Variants in MEMO1 observed in about 807,000 individuals in gnomAD.
The protein encoded by MEMO1 is mediator of cell motility 1, also known as protein MEMO1.
Under a neutral mutation model 45.2 loss-of-function variants are expected in MEMO1, and 6 were observed. The ratio of observed to expected loss-of-function variants is 0.13; its 90% CI spans 0.07 to 0.26. The LOEUF is 0.26. Ranked by LOEUF, MEMO1 falls within the 10% of genes least tolerant of loss-of-function variation. The pLI is 1.00. For missense variants in MEMO1, 184 were observed against 370.5 expected (o/e 0.50, Z 4.13); for synonymous variants, 78 against 124.3 (o/e 0.63, Z 2.48).
At chr2:31,902,000 C>G (rs1225695665) in intron 6 of MEMO1, among the ~76,000 whole-genome samples, 2 of 151,984 alleles carry the variant, frequency 1.3e-5, no homozygotes, top group Non-Finnish European at 2.9e-5. Flanking sequence ...AGACCTGGTG[C>G]TGTAGCAGAT....
intron 6 of MEMO1, among the ~76,000 whole-genome samples, chr2:31,897,147 T>C (rs1161377745): frequency 1.3e-5 from 2 of 152,100 alleles, no homozygotes; most frequent in Non-Finnish European, 2.9e-5. Context: ...TTTCTAAATA[T>C]ACAATCATGT....
chr2:31,933,257 C>T (rs1339985785), intron 3 of MEMO1, among the ~76,000 whole-genome samples: 8 of 124,656 alleles, frequency 6.4e-5, no homozygotes, highest in Non-Finnish European at 1.1e-4. Context: ...TTCTATATTA[C>T]AGTGAGCTAT....
intron 2 of MEMO1, among the ~76,000 whole-genome samples, chr2:31,955,565 A>T (rs1043467863): frequency 1.3e-5 from 2 of 152,126 alleles, no homozygotes; most frequent in African/African-American, 4.8e-5. Flanking sequence ...CCAAAAATTC[A>T]TGAGAATGTT....
chr2:31,943,202 T>G (rs554182908), intron 3 of MEMO1, 100 bp downstream of exon 3: 1 of 855,298 alleles, frequency 1.2e-6, no homozygotes, highest in Non-Finnish European at 1.9e-6. Flanking sequence ...GAGGCGGAGG[T>G]TGCAGTGAGC....
At chr2:31,952,558 C>T (rs1572790041) in intron 2 of MEMO1, among the ~76,000 whole-genome samples, 2 of 152,276 alleles carry the variant, frequency 1.3e-5, no homozygotes, top group East Asian at 3.9e-4. Context: ...ATTCCTGTAA[C>T]AGTCCATTAA....
At chr2:31,988,271 G>C (rs1462534435) in intron 2 of MEMO1, among the ~76,000 whole-genome samples, 1 of 152,156 alleles carries the variant, frequency 6.6e-6, no homozygotes. Flanking sequence ...ATTGGGCCAG[G>C]CATGGTAGCT....
chr2:31,908,742 T>C (rs1680131106), intron 6 of MEMO1, among the ~76,000 whole-genome samples: 1 of 152,234 alleles, frequency 6.6e-6, no homozygotes, highest in African/African-American at 2.4e-5. Flanking sequence ...GAGTATTCTG[T>C]TCTCTTTACA....
intron 2 of MEMO1, among the ~76,000 whole-genome samples, chr2:31,947,502 T>C (rs1393911680): frequency 6.6e-6 from 1 of 152,234 alleles, no homozygotes; most frequent in Non-Finnish European, 1.5e-5. Flanking sequence ...ATACGTGCTT[T>C]GATTTTCAAA....
intron 1 of MEMO1, 61 bp downstream of exon 1, chr2:32,010,881 G>C (rs866476471): frequency 6.6e-6 from 1 of 152,482 alleles, no homozygotes; most frequent in Non-Finnish European, 1.5e-5. Flanking sequence ...GCACACAAAA[G>C]CCCAGGGCCG....
intron 2 of MEMO1, 134 bp from the exon 3 acceptor site, chr2:31,943,517 G>A (rs1665857440): frequency 2.9e-6 from 2 of 689,992 alleles, no homozygotes; most frequent in African/African-American, 1.8e-5. Context: ...CAGTTGGGAT[G>A]TTAATGTTTG....
chr2:31,988,453 G>A (rs188030976), intron 2 of MEMO1, among the ~76,000 whole-genome samples: 55 of 152,088 alleles, frequency 3.6e-4, no homozygotes, highest in African/African-American at 1.0e-3. Flanking sequence ...AGGCTGAGGC[G>A]GGAGAATCCC....
intron 2 of MEMO1, among the ~76,000 whole-genome samples, chr2:31,947,309 G>A (rs988206484): frequency 6.6e-6 from 1 of 152,150 alleles, no homozygotes; most frequent in Non-Finnish European, 1.5e-5. Flanking sequence ...AGGACGCTAA[G>A]GTAAGAGCCA....
chr2:31,884,212 A>G (rs1335079364), intron 7 of MEMO1, among the ~76,000 whole-genome samples: 1 of 152,142 alleles, frequency 6.6e-6, no homozygotes, highest in African/African-American at 2.4e-5. Context: ...TCAGAAAATA[A>G]ATTCTGTTTC....
At chr2:31,997,399 T>C (rs891113356) in intron 2 of MEMO1, among the ~76,000 whole-genome samples, 1 of 152,170 alleles carries the variant, frequency 6.6e-6, no homozygotes, top group African/African-American at 2.4e-5. Flanking sequence ...CACACCCAGC[T>C]AATTTTTATA....
chr2:31,894,339 G>A (rs1302389858), intron 6 of MEMO1, among the ~76,000 whole-genome samples: 2 of 152,172 alleles, frequency 1.3e-5, no homozygotes, highest in East Asian at 3.8e-4. Flanking sequence ...ATTGCAAAAA[G>A]GGGATGACTT....
intron 6 of MEMO1, among the ~76,000 whole-genome samples, chr2:31,895,186 T>C (rs1020263818): frequency 1.3e-5 from 2 of 152,150 alleles, no homozygotes; most frequent in East Asian, 1.9e-4. Flanking sequence ...TACTATAACA[T>C]ACTACACAAA....
chr2:31,974,660 A>T (rs1484978384), intron 2 of MEMO1, among the ~76,000 whole-genome samples: 5 of 151,038 alleles, frequency 3.3e-5, no homozygotes, highest in African/African-American at 1.2e-4. Flanking sequence ...CAGGAGAACC[A>T]CTTGAACCCA....
At chr2:31,985,628 C>T (rs988225910) in intron 2 of MEMO1, among the ~76,000 whole-genome samples, 1 of 152,220 alleles carries the variant, frequency 6.6e-6, no homozygotes, top group African/African-American at 2.4e-5. Flanking sequence ...ACCCAGCCTA[C>T]ATACTTATTT....
intron 8 of MEMO1, among the ~76,000 whole-genome samples, chr2:31,881,516 A>C (rs1413024627): frequency 1.3e-5 from 2 of 150,706 alleles, no homozygotes; most frequent in Admixed American, 1.3e-4. Flanking sequence ...AAAAAAAAAA[A>C]AAACAGAAAA....
Sources: allele counts gnomAD v4.1 joint callset (sites outside exome capture counted in the v4.1 genomes callset), GRCh38; gene constraint gnomAD v4.1.1; transcripts MANE v1.5; gene names NCBI Gene and HGNC (gene_info 2026-07-23, HGNC 2026-07-21).